The following CFAP46 variants were observed in gnomAD, a reference collection of about 807,000 sequenced individuals.
CFAP46 encodes cilia and flagella associated protein 46.
A neutral mutation model predicts 325.7 loss-of-function variants in CFAP46; 245 were observed. The observed-to-expected ratio is 0.75, with a 90% CI of 0.68 to 0.84. CFAP46 has a LOEUF of 0.84. Ranked by LOEUF, CFAP46 falls within the 40% of genes least tolerant of loss-of-function variation. The pLI is 0.00. For synonymous variants in CFAP46, 1,523 were observed against 1,495.9 expected (o/e 1.02, Z -0.42); for missense variants, 3,346 against 3,543.0 (o/e 0.94, Z 1.41).
At chr10:132,878,754 C>A (rs562998100) in intron 29 of CFAP46, among the ~76,000 whole-genome samples, 243 of 152,306 alleles carry the variant, frequency 1.6e-3, no homozygotes, top group African/African-American at 5.6e-3. Flanking sequence ...CTGCTCTGCC[C>A]ACGGCTGGGC....
chr10:132,866,339 G>C (rs917729697), intron 34 of CFAP46, among the ~76,000 whole-genome samples, 168 bp from the exon 35 acceptor site: 1 of 152,158 alleles, frequency 6.6e-6, no homozygotes, highest in African/African-American at 2.4e-5. Context: ...CTCCCCGTGT[G>C]CCCCAAGGCC....
At chr10:132,925,121 G>A (rs1031571361) in intron 10 of CFAP46, among the ~76,000 whole-genome samples, 11 of 151,546 alleles carry the variant, frequency 7.3e-5, no homozygotes, top group Admixed American at 5.3e-4. Context: ...TCGTGGCTGC[G>A]CCCGCCTCCC....
At position 132,899,040 on chromosome 10, in the gene CFAP46, G is replaced by A; in HGVS notation, c.3138C>T (p.Ser1046=). 6.4e-7 allele frequency: 1 copy of A among 1,550,626 alleles called. No homozygotes were observed. Among genetic ancestry groups the A allele is most frequent in the African/African-American group, 1.4e-5 (1 of 73,184 alleles). ...HYWNAWLPLL[S]SAVYRKKAKG... ...TGGCCTTCTTCCTGTAGACGGCTGA[G>A]GACAGCAGTGGGAGCCAGGCGTTCC... is the stretch of plus-strand genomic sequence containing the variant. The change falls in exon 24 of 58, where the codon TCC becomes TCT. Residue 1046 remains serine, a synonymous_variant. Coordinates refer to ENST00000368586, the MANE Select transcript of CFAP46 (RefSeq NM_001200049.3).
In CFAP46 at chr10:132,907,841, G is replaced by A. The variant is rs185667427; in HGVS notation, c.2924+627C>T. ...ACCCCAGAGAGCCCTGCCCCTTCCC[G>A]CATGTGAGGACACAGCGGGAGGCGC... On this transcript the variant is annotated intron_variant, in intron 22 of 57. Transcript: ENST00000368586. Among the ~76,000 whole-genome samples the A allele has an allele frequency of 1.5e-3, 229 of 152,280 alleles. 1 individual carries two copies. The highest frequency in any genetic ancestry group is 5.3e-3 in the African/African-American group (220 of 41,564).
chr10:132,838,736 G>A (rs1275022314), intron 44 of CFAP46, among the ~76,000 whole-genome samples: 6 of 152,270 alleles, frequency 3.9e-5, no homozygotes, highest in East Asian at 1.9e-4. Context: ...TCTACCGGGC[G>A]CAGAGTCAGG....
chr10:132,818,014 G>C (rs1030815687), intron 50 of CFAP46, among the ~76,000 whole-genome samples: 1 of 152,174 alleles, frequency 6.6e-6, no homozygotes, highest in Non-Finnish European at 1.5e-5. Flanking sequence ...CATCACCTGG[G>C]CCCACCCAGA....
chr10:132,868,164 G>T (rs560660128), intron 33 of CFAP46, among the ~76,000 whole-genome samples: 1 of 152,260 alleles, frequency 6.6e-6, no homozygotes, highest in South Asian at 2.1e-4. Context: ...CCGGCCACGC[G>T]CGTTCCAAGT....
At position 132,869,306 on chromosome 10, in the gene CFAP46, C is replaced by T. The variant is rs1384287172; in HGVS notation, c.4578G>A (p.Gly1526=). ...GCTCCAGCTCGCTGACGCACACCTG[C>T]CCGACCGCCTCTTCATGGCGCGCGG... ...EAAARHEEAV[G]QVCVSELEQA... is the part of the protein sequence containing the mutation. Residue 1526 remains glycine (G), a synonymous_variant, in exon 33 of 58, where the codon GGG becomes GGA. Coordinates refer to ENST00000368586, the MANE Select transcript of CFAP46 (RefSeq NM_001200049.3). This position sits in a 1 kb window ranked among gnomAD's most constrained non-coding sequence, Gnocchi z 6.2. The T allele has an allele frequency of 1.9e-6, 3 of 1,539,410 alleles. No individual in the cohort carries two copies. The Admixed American group carries it at 5.9e-5, about 30-fold the overall frequency.
chr10:132,881,952 G>A (rs986890013), intron 27 of CFAP46, among the ~76,000 whole-genome samples: 2 of 152,166 alleles, frequency 1.3e-5, no homozygotes, highest in South Asian at 2.1e-4. Flanking sequence ...TGTGAGTGGT[G>A]CATGTGGGAT....
chr10:132,891,003 A>T (rs547351995), intron 25 of CFAP46, among the ~76,000 whole-genome samples: 45 of 152,352 alleles, frequency 3.0e-4, no homozygotes, highest in African/African-American at 1.1e-3. Flanking sequence ...TTCTATAAAC[A>T]TGAATTGGTA....
At position 132,863,971 on chromosome 10, in the gene CFAP46, C is replaced by T. The variant is rs150933589; in HGVS notation, c.4890+2054G>A. ...GACCTGCACACACCTGTCCCTCTGCCTGAGACCTTCATACACCTGTCCCCA... is the reference window on the plus strand; with the variant it reads ...GACCTGCACACACCTGTCCCTCTGCTTGAGACCTTCATACACCTGTCCCCA... On this transcript the variant is annotated intron_variant, in intron 35 of 57. Coordinates refer to ENST00000368586, the MANE Select transcript of CFAP46 (RefSeq NM_001200049.3). Among the ~76,000 whole-genome samples, 229 of 148,348 alleles carry T rather than the reference C, an allele frequency of 1.5e-3. 2 individuals carry two copies. Among genetic ancestry groups the T allele is most frequent in the African/African-American group, 5.5e-3 (221 of 39,972 alleles).
chr10:132,864,081 C>A (rs1591061341), intron 35 of CFAP46, among the ~76,000 whole-genome samples: 1 of 144,360 alleles, frequency 6.9e-6, no homozygotes, highest in Admixed American at 6.9e-5. Flanking sequence ...ACACACCTGT[C>A]CCCGGTGTCT....
chr10:132,899,895 G>T (rs1591080199), intron 22 of CFAP46, among the ~76,000 whole-genome samples: 5 of 152,214 alleles, frequency 3.3e-5, no homozygotes. Context: ...GTCTTCTGAG[G>T]CCTGGAGTGC....
intron 35 of CFAP46, among the ~76,000 whole-genome samples, chr10:132,862,460 C>T (rs987731042): frequency 2.0e-5 from 3 of 150,226 alleles, no homozygotes; most frequent in African/African-American, 7.4e-5. Flanking sequence ...GTGGGGGGTG[C>T]GTGAGGCTGA....
At position 132,814,147 on chromosome 10, in the gene CFAP46, C is replaced by T. The variant is rs370577241; in HGVS notation, c.7388+5G>A. On this transcript the variant is annotated splice_donor_5th_base_variant and intron_variant, in intron 54 of 57. Transcript: ENST00000368586. ...CAAACGGCTCCTGGGAGCCCAGATC[C>T]GAACCTGGGAAAGTGCTTGCTTCCC... 3.3e-5 allele frequency: 54 copies of T among 1,612,836 alleles called. No homozygotes were observed. The highest frequency in any genetic ancestry group is 2.2e-4 in the Admixed American group (13 of 59,998).
At chr10:132,815,667 T>C (rs1416852509) in intron 50 of CFAP46, among the ~76,000 whole-genome samples, 1 of 152,196 alleles carries the variant, frequency 6.6e-6, no homozygotes, top group African/African-American at 2.4e-5. Flanking sequence ...ATGCCTGTAA[T>C]CCCAGTGTTT....
At chr10:132,904,653 A>G (rs1849432666) in intron 22 of CFAP46, among the ~76,000 whole-genome samples, 1 of 152,192 alleles carries the variant, frequency 6.6e-6, no homozygotes, top group African/African-American at 2.4e-5. Context: ...TGCCCTCCAC[A>G]CTTGGGGAAG....
rs1212382746 is a variant in CFAP46 at position 132,847,386 on chromosome 10, C to A, written c.5953-65G>T. On this transcript the variant is annotated intron_variant, in intron 41 of 57. Coordinates refer to ENST00000368586, the MANE Select transcript of CFAP46 (RefSeq NM_001200049.3). This position sits in a 1 kb window ranked among gnomAD's most constrained non-coding sequence, Gnocchi z 5.2. Reference sequence around the variant, plus strand: ...CCTGCTTGGTCGGCGTGGGGAGGGCCCACCCAGGGAGGCCGGGGTGGTCGG... The same window carrying A: ...CCTGCTTGGTCGGCGTGGGGAGGGCACACCCAGGGAGGCCGGGGTGGTCGG... 6.3e-7 allele frequency: 1 copy of A among 1,594,190 alleles called. No individual in the cohort carries two copies. Among genetic ancestry groups the A allele is most frequent in the Non-Finnish European group, 8.6e-7 (1 of 1,167,662 alleles).
In CFAP46 at chr10:132,847,223, GGC is replaced by G. The variant is rs1564775872; in HGVS notation, c.6049_6050del (p.Ala2017ProfsTer138). 1 of 1,613,078 alleles carries G rather than the reference GGC, an allele frequency of 6.2e-7. No individual in the cohort carries two copies. The highest frequency in any genetic ancestry group is 8.5e-7 in the Non-Finnish European group (1 of 1,179,910). On this transcript the variant is annotated frameshift_variant, in exon 42 of 58. Coordinates refer to ENST00000368586, the MANE Select transcript of CFAP46 (RefSeq NM_001200049.3). LOFTEE classifies it high-confidence loss of function. The surrounding 1 kb of genome is among the most constrained non-coding windows in gnomAD (Gnocchi z 5.2). ...SSRDPPASRA[A>X]PEEHCRRGED... ...CGCCTCTCCTGCAGTGCTCCTCCGGGGCTGCCCTGGAGGCCGGCGGGTCCCTG... is the reference window on the plus strand; with the variant it reads ...CGCCTCTCCTGCAGTGCTCCTCCGGGTGCCCTGGAGGCCGGCGGGTCCCTG...
Sources: allele counts gnomAD v4.1 joint callset (sites outside exome capture counted in the v4.1 genomes callset), GRCh38; gene constraint gnomAD v4.1.1; non-coding constraint Gnocchi (gnomAD v3.1); transcripts MANE v1.5; gene names NCBI Gene and HGNC (gene_info 2026-07-23, HGNC 2026-07-21).